Variants in FRMD4A observed in about 807,000 individuals in gnomAD.
FRMD4A encodes FERM domain containing 4A.
A neutral mutation model predicts 129.1 loss-of-function variants in FRMD4A; 29 were observed. The ratio of observed to expected loss-of-function variants is 0.22; its 90% CI spans 0.17 to 0.31. FRMD4A has a LOEUF of 0.31. Ranked by LOEUF, FRMD4A falls within the 10% of genes least tolerant of loss-of-function variation. FRMD4A has a pLI of 1.00. For missense variants in FRMD4A, 1,272 were observed against 1,375.8 expected, an observed-to-expected ratio of 0.92 and a Z score of 1.19; for synonymous variants, 634 against 571.6, an observed-to-expected ratio of 1.11 and a Z score of -1.56.
At chr10:14,329,802 A>G (rs1449239011) in intron 2 of FRMD4A, among the ~76,000 whole-genome samples, 1 of 152,180 alleles carries the variant, frequency 6.6e-6, no homozygotes, top group Non-Finnish European at 1.5e-5. Flanking sequence ...GGCTCTTAGC[A>G]CCTGTTTGCA....
intron 2 of FRMD4A, among the ~76,000 whole-genome samples, chr10:14,242,615 AC>A (rs1844088466): frequency 6.6e-6 from 1 of 152,234 alleles, no homozygotes; most frequent in South Asian, 2.1e-4. Context: ...GAACAAAATT[AC>A]AAAGTAAAAC....
intron 2 of FRMD4A, among the ~76,000 whole-genome samples, chr10:13,929,777 C>T (rs764566427): frequency 3.0e-4 from 45 of 151,886 alleles, no homozygotes; most frequent in African/African-American, 9.9e-4. Flanking sequence ...ATGGGATCTG[C>T]GGTCAGAGTC....
chr10:13,688,710 TTTTA>T lies in FRMD4A; in HGVS notation c.1117+5184_1117+5187del, dbSNP rs143315572. ...TGGTAGGTATGGATATTGACTTCTT[TTTTA>T]TTTATTTACTTATTTTAGAGACAGA... On this transcript the variant is annotated intron_variant, in intron 15 of 24. Coordinates refer to ENST00000357447, the MANE Select transcript of FRMD4A (RefSeq NM_018027.5). 4.7e-5 allele frequency among the ~76,000 whole-genome samples: 7 copies of T among 149,884 alleles called. No individual in the cohort carries two copies. The East Asian group carries it at 9.1e-4, about 19-fold the overall frequency.
chr10:14,146,945 T>C (rs892555650), intron 2 of FRMD4A, among the ~76,000 whole-genome samples: 3 of 152,250 alleles, frequency 2.0e-5, no homozygotes, highest in African/African-American at 7.2e-5. Flanking sequence ...ATTTGCTTCA[T>C]TTCCTCCTCA....
At chr10:14,061,555 T>C (rs1834815016) in intron 2 of FRMD4A, among the ~76,000 whole-genome samples, 1 of 152,188 alleles carries the variant, frequency 6.6e-6, no homozygotes, top group African/African-American at 2.4e-5. Flanking sequence ...GTGGGTACAA[T>C]CTTTCCAGAG....
intron 2 of FRMD4A, among the ~76,000 whole-genome samples, chr10:14,214,240 T>C (rs757971832): frequency 1.4e-4 from 21 of 152,174 alleles, no homozygotes; most frequent in East Asian, 1.9e-4. Flanking sequence ...TGACACCTCC[T>C]AGAGAAGTAC....
Position 14,282,208 on chromosome 10 carries a change from G to A in FRMD4A, c.45+47850C>T, listed in dbSNP as rs561557505. On this transcript the variant is annotated intron_variant, in intron 2 of 24. Transcript: ENST00000357447. ...TCCCTCCCACAATGTGTGGGAATTA[G>A]GGGAGCTAAAATTCAAGATGAAATT... Among the ~76,000 whole-genome samples, 24 of 152,280 alleles carry A rather than the reference G, an allele frequency of 1.6e-4. No individual in the cohort carries two copies. The South Asian group carries it at 3.7e-3, about 24-fold the overall frequency.
intron 2 of FRMD4A, among the ~76,000 whole-genome samples, chr10:13,932,079 C>G (rs1589314861): frequency 6.6e-6 from 1 of 152,186 alleles, no homozygotes; most frequent in Non-Finnish European, 1.5e-5. Flanking sequence ...CCCACAGAAT[C>G]GTAGAGATGT....
chr10:13,750,571 C>T lies in FRMD4A; in HGVS notation c.465-2752G>A, dbSNP rs187463696. 2.7e-3 allele frequency among the ~76,000 whole-genome samples: 403 copies of T among 152,044 alleles called. 2 individuals carry two copies. The highest frequency in any genetic ancestry group is 6.9e-3 in the African/African-American group (284 of 41,454). ...GACTGGCTTTGGGGGAGGCCGTGCA[C>T]GAAGAAAAGGATAGGAATATCACTC... On this transcript the variant is annotated intron_variant, in intron 8 of 24. Transcript: ENST00000357447.
intron 3 of FRMD4A, among the ~76,000 whole-genome samples, chr10:13,834,229 ACTCCAG>A (rs2130950293): frequency 6.6e-6 from 1 of 152,196 alleles, no homozygotes; most frequent in East Asian, 1.9e-4. Flanking sequence ...GTACCCTTGC[ACTCCAG>A]CCTGGGCAAC....
At chr10:14,115,914 A>G (rs1838174889) in intron 2 of FRMD4A, among the ~76,000 whole-genome samples, 2 of 152,158 alleles carry the variant, frequency 1.3e-5, no homozygotes, top group Non-Finnish European at 2.9e-5. Flanking sequence ...TTAAAACTCC[A>G]CTGAGCTCCT....
intron 2 of FRMD4A, among the ~76,000 whole-genome samples, chr10:13,918,546 TGA>T (rs1237068057): frequency 6.6e-6 from 1 of 152,178 alleles, no homozygotes; most frequent in African/African-American, 2.4e-5. Context: ...TTCTTTTTTT[TGA>T]GAGAGAGTCT....
chr10:14,280,982 A>ATTT (rs772555677), intron 2 of FRMD4A, among the ~76,000 whole-genome samples: 1,397 of 76,576 alleles, frequency 0.018, 262 homozygotes, highest in African/African-American at 0.063. Flanking sequence ...ACTGGTTTCA[A>ATTT]TTTTTTTTTT....
chr10:14,108,442 G>A (rs758676244), intron 2 of FRMD4A, among the ~76,000 whole-genome samples: 1 of 152,198 alleles, frequency 6.6e-6, no homozygotes, highest in African/African-American at 2.4e-5. Context: ...TATGAGGACT[G>A]AGGTTTAAAC....
intron 2 of FRMD4A, among the ~76,000 whole-genome samples, chr10:14,246,382 TACACACACAC>T (rs72276961): frequency 4.2e-4 from 64 of 150,906 alleles, no homozygotes; most frequent in South Asian, 2.1e-3. Context: ...AAAACACACA[TACACACACAC>T]ACACACACAC....
At chr10:13,724,561 G>A (rs1234452228) in intron 12 of FRMD4A, among the ~76,000 whole-genome samples, 2 of 152,160 alleles carry the variant, frequency 1.3e-5, no homozygotes, top group East Asian at 3.8e-4. Context: ...AGTGGTTTGG[G>A]ATCCAACGAT....
chr10:14,101,393 G>C (rs971372154), intron 2 of FRMD4A, among the ~76,000 whole-genome samples: 8 of 152,144 alleles, frequency 5.3e-5, no homozygotes, highest in Admixed American at 3.9e-4. Context: ...AGTCTTACGA[G>C]TAGATAAAAT....
chr10:13,978,423 T>G (rs2095549505), intron 2 of FRMD4A, among the ~76,000 whole-genome samples: 1 of 152,042 alleles, frequency 6.6e-6, no homozygotes, highest in African/African-American at 2.4e-5. Context: ...TGCTCCTGAC[T>G]CTCTCACACC....
intron 2 of FRMD4A, among the ~76,000 whole-genome samples, chr10:13,943,156 A>G (rs1342621014): frequency 6.6e-6 from 1 of 152,162 alleles, no homozygotes. Context: ...CAAGATGTCC[A>G]GGACAAGAAC....
Sources: allele counts gnomAD v4.1 joint callset (sites outside exome capture counted in the v4.1 genomes callset), GRCh38; gene constraint gnomAD v4.1.1; transcripts MANE v1.5; gene names NCBI Gene and HGNC (gene_info 2026-07-23, HGNC 2026-07-21).